The following ANGPTL6 variants were observed in gnomAD, a reference collection of about 807,000 sequenced individuals.
ANGPTL6 encodes the protein angiopoietin-related protein 6.
Under a neutral mutation model 47.4 loss-of-function variants are expected in ANGPTL6, and 45 were observed. The ratio of observed to expected loss-of-function variants is 0.95; its 90% CI spans 0.75 to 1.22. The LOEUF is 1.22. Ranked by LOEUF, ANGPTL6 falls within the 50% of genes most tolerant of loss-of-function variation. The probability of loss-of-function intolerance (pLI) is 0.00; values close to 1 mark genes in which losing one functional copy is unlikely to be tolerated. For missense variants in ANGPTL6, 698 were observed against 669.4 expected, an observed-to-expected ratio of 1.04 and a Z score of -0.47; for synonymous variants, 290 against 295.9, an observed-to-expected ratio of 0.98 and a Z score of 0.20.
At position 10,093,790 on chromosome 19, in the gene ANGPTL6, A is replaced by C; in HGVS notation, c.854T>G (p.Val285Gly). ...ELRVGRHVVSVWCEQQLEGGG... is the reference protein window; with the variant it reads ...ELRVGRHVVSGWCEQQLEGGG... Reference sequence around the variant, plus strand: ...ACCCTCCAGTTGCTGCTCACACCATACTGACACTACGTGACGGCCCACTCG... The same window carrying C: ...ACCCTCCAGTTGCTGCTCACACCATCCTGACACTACGTGACGGCCCACTCG... The change falls in exon 4 of 6, where the codon GTA becomes GGA. Residue 285 changes from valine to glycine, a missense_variant. Coordinates refer to ENST00000253109, the MANE Select transcript of ANGPTL6 (RefSeq NM_031917.3). The C allele has an allele frequency of 6.2e-7, 1 of 1,613,974 alleles. No homozygotes were observed. Among genetic ancestry groups the C allele is most frequent in the Non-Finnish European group, 8.5e-7 (1 of 1,180,010 alleles).
At chr19:10,098,588 G>A (rs1266799929) in intron 1 of ANGPTL6, among the ~76,000 whole-genome samples, 1 of 152,088 alleles carries the variant, frequency 6.6e-6, no homozygotes, top group Non-Finnish European at 1.5e-5. Context: ...AGTTTGGGAG[G>A]CCAAGGTGGG....
intron 1 of ANGPTL6, among the ~76,000 whole-genome samples, chr19:10,098,005 CAAAAAA>C (rs71188881): frequency 3.1e-5 from 4 of 130,898 alleles, no homozygotes; most frequent in Non-Finnish European, 4.8e-5. Flanking sequence ...CTGTCTCTAC[CAAAAAA>C]AAAAAAAAAA....
upstream of ANGPTL6, among the ~76,000 whole-genome samples, chr19:10,103,213 C>T (rs913660051): frequency 2.0e-5 from 3 of 151,752 alleles, no homozygotes; most frequent in Non-Finnish European, 4.4e-5. Flanking sequence ...CACACATGTA[C>T]ACCACAGCTG....
chr19:10,093,285 T>G, intron 5 of ANGPTL6, 64 bp downstream of exon 5: 1 of 1,557,296 alleles, frequency 6.4e-7, no homozygotes, highest in Non-Finnish European at 8.7e-7. Flanking sequence ...CCTCCTTTCA[T>G]TCCCTCACCA....
chr19:10,094,910 ACAGGCAC>A lies in ANGPTL6; in HGVS notation c.604_610del (p.Val202TrpfsTer79). The A allele has an allele frequency of 6.2e-7, 1 of 1,612,006 alleles. No individual in the cohort carries two copies. ...GCTACCCACAAGACGGACCGGAACC[ACAGGCAC>A]CAGTGGGGGTGGCGGCAGGACCTGG... On this transcript the variant is annotated frameshift_variant, in exon 3 of 6. Transcript: ENST00000253109. LOFTEE classifies it high-confidence loss of function.
Position 10,093,392 on chromosome 19 carries a change from G to C in ANGPTL6, c.1179C>G (p.Asp393Glu), listed in dbSNP as rs1017022114. 8 of 1,614,058 alleles carry C rather than the reference G, an allele frequency of 5.0e-6. No homozygotes were observed. In the African/African-American group the frequency reaches 6.7e-5, roughly 13 times the overall value. ...CCCTATCCACGGTGCTGAAGGGCTT[G>C]TCATTGTGCCAGGAAAGAGAGTCTC... The part of the protein sequence containing the change: ...DAGDSLSWHN[D>E]KPFSTVDRDR... The change falls in exon 5 of 6, where the codon GAC (aspartate) becomes GAG (glutamate). Residue 393 changes from aspartate to glutamate, a missense_variant. Physicochemically the swap from Asp to Glu is conservative, Grantham distance 45 (BLOSUM62 2). Transcript: ENST00000253109.
upstream of ANGPTL6, among the ~76,000 whole-genome samples, chr19:10,103,893 G>A (rs1004256816): frequency 2.0e-5 from 3 of 151,174 alleles, no homozygotes; most frequent in African/African-American, 7.3e-5. Flanking sequence ...AGCAATTCGA[G>A]ACCAGCCTGG....
intron 5 of ANGPTL6, 182 bp downstream of exon 5, chr19:10,093,167 T>C: frequency 1.2e-6 from 1 of 801,218 alleles, no homozygotes; most frequent in Non-Finnish European, 2.0e-6. Context: ...AGAAGGAATC[T>C]GGACTCCCCA....
chr19:10,093,289 C>G (rs564229132), intron 5 of ANGPTL6, 60 bp downstream of exon 5: 3 of 1,561,726 alleles, frequency 1.9e-6, no homozygotes, highest in African/African-American at 2.7e-5. Context: ...CTTTCATTCC[C>G]TCACCAGAAC....
chr19:10,096,274 C>A lies in ANGPTL6; in HGVS notation c.290G>T (p.Arg97Leu). Residue 97 changes from arginine to leucine, a missense_variant, in exon 2 of 6, where the codon CGC becomes CTC. Coordinates refer to ENST00000253109, the MANE Select transcript of ANGPTL6 (RefSeq NM_031917.3). ...GAVAGEVRAL[R>L]KESRGLSARL... ...CGCGCTCAGGCCGCGGCTCTCCTTG[C>A]GCAGCGCGCGCACCTCGCCGGCCAC... The A allele has an allele frequency of 2.5e-6, 3 of 1,206,324 alleles. No homozygotes were observed. The highest frequency in any genetic ancestry group is 1.6e-5 in the African/African-American group (1 of 62,696). 74.7% of individuals were successfully genotyped at this position (1,206,324 alleles called of 1,614,324 possible).
At position 10,092,372 on chromosome 19, in the gene ANGPTL6, C is replaced by T; in HGVS notation, c.*217G>A. 6.5e-7 allele frequency: 1 copy of T among 1,533,852 alleles called. No homozygotes were observed. Among genetic ancestry groups the T allele is most frequent in the Non-Finnish European group, 8.7e-7 (1 of 1,143,778 alleles). On this transcript the variant is annotated 3_prime_UTR_variant, in exon 6 of 6. Coordinates refer to ENST00000253109, the MANE Select transcript of ANGPTL6 (RefSeq NM_031917.3). ...TTTGTGTTATTATAAGATATGAGCT[C>T]AAACCGAGATATGAATGACCTTGGG...
rs779617118 is a variant in ANGPTL6, at chr19:10,094,726, C to T, written c.763+32G>A. On this transcript the variant is annotated intron_variant, in intron 3 of 5. Coordinates refer to ENST00000253109, the MANE Select transcript of ANGPTL6 (RefSeq NM_031917.3). Reference sequence around the variant, plus strand: ...ATCCTGACTCCTCAATTTTCCTCTACCCACAATTCCTCAGCCCTAATGTCG... The same window carrying T: ...ATCCTGACTCCTCAATTTTCCTCTATCCACAATTCCTCAGCCCTAATGTCG... The T allele has an allele frequency of 3.7e-6, 6 of 1,613,806 alleles. No individual in the cohort carries two copies. The East Asian group carries it at 1.3e-4, about 36-fold the overall frequency.
rs1261114505 is a variant in ANGPTL6, at chr19:10,093,265, ACCTAC to A, written c.1222+79_1222+83del. The A allele has an allele frequency of 2.0e-6, 3 of 1,517,972 alleles. No individual in the cohort carries two copies. The African/African-American group carries it at 4.2e-5, about 21-fold the overall frequency. The allele number at this position is 1,517,972 out of a possible 1,614,324, so 94.0% of individuals were successfully genotyped here. ...CTTATACTTACCAGAGGGGCGTCTT[ACCTAC>A]CCTACCTCCTTTCATTCCCTCACCA... On this transcript the variant is annotated intron_variant, in intron 5 of 5. Transcript: ENST00000253109.
At chr19:10,103,933 A>C (rs1003644512), upstream of ANGPTL6, among the ~76,000 whole-genome samples, 1 of 151,644 alleles carries the variant, frequency 6.6e-6, no homozygotes, top group African/African-American at 2.4e-5. Flanking sequence ...TCTCTACTAA[A>C]AATACAAAAA....
At chr19:10,099,874 T>C (rs1289799839) in intron 1 of ANGPTL6, among the ~76,000 whole-genome samples, 13 of 141,528 alleles carry the variant, frequency 9.2e-5, no homozygotes, top group African/African-American at 7.9e-5. Flanking sequence ...TCTCTCTCTC[T>C]CTCCCCCACG....
In ANGPTL6 at chr19:10,092,756, C is replaced by G. The variant is rs146282548; in HGVS notation, c.1246G>C (p.Gly416Arg). The G allele has an allele frequency of 7.0e-4, 1,122 of 1,608,010 alleles. 2 individuals carry two copies. The highest frequency in any genetic ancestry group is 9.1e-4 in the Non-Finnish European group (1,075 of 1,175,300). ...YSGNCALYQRGGWWYHACAHS... is the reference protein window; with the variant it reads ...YSGNCALYQRRGWWYHACAHS... ...GCACAGGCATGGTACCACCAGCCTC[C>G]CCGCTGGTACAGGGCACAGTTACCT... Residue 416 changes from glycine to arginine, a missense_variant, in exon 6 of 6, where the codon GGA (glycine) becomes CGA (arginine). Transcript: ENST00000253109.
Position 10,096,273 on chromosome 19 carries a change from G to T in ANGPTL6, c.291C>A (p.Arg97=). Residue 97 remains arginine, a synonymous_variant, in exon 2 of 6, where the codon CGC becomes CGA. Coordinates refer to ENST00000253109, the MANE Select transcript of ANGPTL6 (RefSeq NM_031917.3). ...GAVAGEVRAL[R]KESRGLSARL... The stretch of plus-strand genomic sequence containing the variant: ...GCGCGCTCAGGCCGCGGCTCTCCTT[G>T]CGCAGCGCGCGCACCTCGCCGGCCA... 2.5e-6 allele frequency: 3 copies of T among 1,205,476 alleles called. No homozygotes were observed. The highest frequency in any genetic ancestry group is 2.1e-6 in the Non-Finnish European group (2 of 973,304). 74.7% of individuals were successfully genotyped at this position (1,205,476 alleles called of 1,614,324 possible).
chr19:10,096,789 GCATT>G (rs1231622058), intron 1 of ANGPTL6, among the ~76,000 whole-genome samples: 1 of 152,202 alleles, frequency 6.6e-6, no homozygotes, highest in Non-Finnish European at 1.5e-5. Context: ...CGCATCTCAA[GCATT>G]CATTCATTCG....
chr19:10,102,115 CAAAAAAAAAAA>C (rs111902676), intron 1 of ANGPTL6, among the ~76,000 whole-genome samples: 2 of 43,768 alleles, frequency 4.6e-5, no homozygotes, highest in African/African-American at 9.0e-5. Context: ...GACTCTGTCT[CAAAAAAAAAAA>C]AAAAAAAAAA....
Sources: allele counts gnomAD v4.1 joint callset (sites outside exome capture counted in the v4.1 genomes callset), GRCh38; gene constraint gnomAD v4.1.1; transcripts MANE v1.5; gene names NCBI Gene and HGNC (gene_info 2026-07-23, HGNC 2026-07-21).